Variants in FBN1 observed in about 807,000 individuals in gnomAD.
The protein encoded by FBN1 is fibrillin 1, also known as fibrillin-1.
Under a neutral mutation model 365.1 loss-of-function variants are expected in FBN1, and 29 were observed. That is an observed-to-expected ratio of 0.08 (90% CI 0.06 to 0.11). The LOEUF (loss-of-function observed/expected upper bound fraction) is 0.11, where lower values mean the gene tolerates loss of function less well. Ranked by LOEUF, FBN1 falls within the 10% of genes least tolerant of loss-of-function variation. FBN1 has a pLI of 1.00. For missense variants in FBN1, 2,476 were observed against 3,703.2 expected (o/e 0.67, Z 8.60); for synonymous variants, 1,210 against 1,270.5 (o/e 0.95, Z 1.01).
intron 8 of FBN1, 116 bp from the exon 9 acceptor site, chr15:48,526,371 T>A (rs2043915046): frequency 8.6e-7 from 1 of 1,162,598 alleles, no homozygotes; most frequent in African/African-American, 1.5e-5. Flanking sequence ...ACAGCCATCA[T>A]TAAAAAGTAA....
chr15:48,590,443 T>C (rs751136642), intron 6 of FBN1, among the ~76,000 whole-genome samples: 1 of 152,240 alleles, frequency 6.6e-6, no homozygotes, highest in African/African-American at 2.4e-5. Context: ...TTATATAATA[T>C]GTGTTTATCA....
In FBN1 at chr15:48,446,724, G is replaced by T. The variant is rs1201849394; in HGVS notation, c.5770C>A (p.His1924Asn). 6.2e-7 allele frequency: 1 copy of T among 1,611,768 alleles called. No individual in the cohort carries two copies. Among genetic ancestry groups the T allele is most frequent in the Non-Finnish European group, 8.5e-7 (1 of 1,177,882 alleles). Reference protein sequence around the residue: ...CRCNHGFILSHNNDCIDVDEC... With the variant: ...CRCNHGFILSNNNDCIDVDEC... ...CACGCACCTATACAGTCATTGTTGT[G>T]AGAAAGGATGAAACCATGATTGCAG... Residue 1924 changes from histidine (H) to asparagine (N), a missense_variant, in exon 47 of 66, where the codon CAC (histidine) becomes AAC (asparagine). Physicochemically the swap from His to Asn is moderately conservative, Grantham distance 68 (BLOSUM62 1). Coordinates refer to ENST00000316623, the MANE Select transcript of FBN1 (RefSeq NM_000138.5).
chr15:48,494,018 G>T (rs918208372), intron 23 of FBN1, among the ~76,000 whole-genome samples, 186 bp downstream of exon 23: 5 of 152,186 alleles, frequency 3.3e-5, no homozygotes, highest in African/African-American at 1.2e-4. Context: ...ATAGCGTTCT[G>T]ACACTAGCAA....
chr15:48,586,571 C>A (rs539616854), intron 6 of FBN1, among the ~76,000 whole-genome samples: 3 of 152,106 alleles, frequency 2.0e-5, no homozygotes, highest in African/African-American at 7.2e-5. Context: ...AGGAAGTTAT[C>A]GGTATTTAAT....
chr15:48,459,998 T>C (rs560445870), intron 43 of FBN1, among the ~76,000 whole-genome samples: 3 of 152,344 alleles, frequency 2.0e-5, no homozygotes, highest in South Asian at 2.1e-4. Flanking sequence ...GGTGTAACTA[T>C]GCTTGATTGT....
At chr15:48,488,655 T>C (rs2043530758) in intron 25 of FBN1, among the ~76,000 whole-genome samples, 162 bp from the exon 26 acceptor site, 1 of 152,198 alleles carries the variant, frequency 6.6e-6, no homozygotes, top group Non-Finnish European at 1.5e-5. Context: ...ATATATGACT[T>C]TGTAAACATT....
Position 48,444,639 on chromosome 15 carries a change from T to C in FBN1, c.5939A>G (p.Glu1980Gly). The change falls in exon 49 of 66, where the codon GAA becomes GGA. Residue 1980 changes from glutamate (E) to glycine (G), a missense_variant. By Grantham distance (98) the Glu-to-Gly change is moderately conservative. Coordinates refer to ENST00000316623, the MANE Select transcript of FBN1 (RefSeq NM_000138.5). ...GGTACCTGGTGCACATTTTCTGGGT[T>C]CTAGAAGACATTCATTGATATCTGC... is the stretch of plus-strand genomic sequence containing the variant. ...TCVDINECLL[E>G]PRKCAPGTCQ... The C allele has an allele frequency of 6.2e-7, 1 of 1,613,556 alleles. No homozygotes were observed. The highest frequency in any genetic ancestry group is 8.5e-7 in the Non-Finnish European group (1 of 1,179,664).
rs571869753 is a variant in FBN1 at position 48,410,735 on chromosome 15, C to T, written c.*255G>A. The T allele has an allele frequency of 6.5e-5, 30 of 463,704 alleles. No homozygotes were observed. The highest frequency in any genetic ancestry group is 1.2e-4 in the South Asian group (4 of 34,294). The allele number at this position is 463,704 out of a possible 1,614,324, so 28.7% of individuals were successfully genotyped here. A position where few individuals can be genotyped will look rare whatever the true frequency, so the allele number is the denominator to read the frequency against. On this transcript the variant is annotated 3_prime_UTR_variant, in exon 66 of 66. Coordinates refer to ENST00000316623, the MANE Select transcript of FBN1 (RefSeq NM_000138.5). ...ATGGCCAACCCCCAATGGAAATACACGTCCCAGTTTTCAAGAATCAACACA... is the reference window on the plus strand; with the variant it reads ...ATGGCCAACCCCCAATGGAAATACATGTCCCAGTTTTCAAGAATCAACACA...
intron 6 of FBN1, among the ~76,000 whole-genome samples, chr15:48,588,225 AT>A (rs2044451211): frequency 2.0e-5 from 3 of 152,186 alleles, no homozygotes; most frequent in African/African-American, 7.2e-5. Context: ...CTCATAGATA[AT>A]TTTTAATACT....
chr15:48,463,628 T>C (rs2043297888), intron 41 of FBN1, among the ~76,000 whole-genome samples: 2 of 152,332 alleles, frequency 1.3e-5, no homozygotes, highest in East Asian at 3.9e-4. Context: ...TGTACAAAGA[T>C]ACACCCAAAA....
Position 48,441,886 on chromosome 15 carries a change from T to C in FBN1, c.6038-40A>G, listed in dbSNP as rs553397955. On this transcript the variant is annotated intron_variant, in intron 49 of 65. Coordinates refer to ENST00000316623, the MANE Select transcript of FBN1 (RefSeq NM_000138.5). Reference sequence around the variant, plus strand: ...TGAGTCAAACAAAGTCAAAACACGATGGAGACATCATCAGGTACCAAACAC... The same window carrying C: ...TGAGTCAAACAAAGTCAAAACACGACGGAGACATCATCAGGTACCAAACAC... 8.7e-6 allele frequency: 14 copies of C among 1,609,344 alleles called. No individual in the cohort carries two copies. In the South Asian group the frequency reaches 1.3e-4, roughly 15 times the overall value.
At chr15:48,633,057 T>C (rs756691217) in intron 2 of FBN1, among the ~76,000 whole-genome samples, 5 of 152,006 alleles carry the variant, frequency 3.3e-5, no homozygotes, top group Non-Finnish European at 7.4e-5. Context: ...ATTAACCCCA[T>C]CAGAAAGGGA....
At position 48,412,578 on chromosome 15, in the gene FBN1, G is replaced by A; in HGVS notation, c.8217C>T (p.Ser2739=). 6.2e-7 allele frequency: 1 copy of A among 1,614,040 alleles called. No individual in the cohort carries two copies. The highest frequency in any genetic ancestry group is 8.5e-7 in the Non-Finnish European group (1 of 1,179,922). ...CTAACTTCTGACCCACCTCGATATT[G>A]GAGGCATCAGTTTCGTTTGTGCTTC... ...KRRSTNETDA[S]NIEDQSETEA... The change falls in exon 65 of 66, where the codon TCC becomes TCT. Residue 2739 remains serine (S), a synonymous_variant. Coordinates refer to ENST00000316623, the MANE Select transcript of FBN1 (RefSeq NM_000138.5).
chr15:48,534,780 TAAAC>T (rs1196844950), intron 7 of FBN1, among the ~76,000 whole-genome samples: 1 of 152,162 alleles, frequency 6.6e-6, no homozygotes, highest in Non-Finnish European at 1.5e-5. Flanking sequence ...CAGTAAAAAT[TAAAC>T]AACTCAGAAA....
intron 36 of FBN1, 126 bp from the exon 37 acceptor site, chr15:48,468,660 C>T: frequency 2.2e-6 from 2 of 909,186 alleles, no homozygotes; most frequent in Admixed American, 4.0e-5. Flanking sequence ...ATAACTACAT[C>T]TAGAAATGCA....
At chr15:48,607,398 A>G (rs2044622602) in intron 4 of FBN1, among the ~76,000 whole-genome samples, 1 of 149,480 alleles carries the variant, frequency 6.7e-6, no homozygotes, top group Non-Finnish European at 1.5e-5. Flanking sequence ...TATTGTCTAA[A>G]TGTTTGTGTC....
At chr15:48,473,133 CAT>C (rs2043391683) in intron 34 of FBN1, among the ~76,000 whole-genome samples, 1 of 152,202 alleles carries the variant, frequency 6.6e-6, no homozygotes, top group Non-Finnish European at 1.5e-5. Flanking sequence ...ATATCAAACA[CAT>C]AAACCACACA....
chr15:48,529,404 G>C (rs1195340765), intron 8 of FBN1: 1 of 152,290 alleles, frequency 6.6e-6, no homozygotes, highest in African/African-American at 2.4e-5. Context: ...TGTTCTCCCA[G>C]AGCATTCTTC....
intron 7 of FBN1, among the ~76,000 whole-genome samples, chr15:48,534,701 G>A (rs899940464): frequency 2.0e-5 from 3 of 152,320 alleles, no homozygotes; most frequent in Non-Finnish European, 4.4e-5. Context: ...CAGACTACAC[G>A]AGACAGCTAA....
Sources: gnomAD v4.1 joint callset for allele counts (sites outside exome capture counted in the v4.1 genomes callset) on GRCh38, gnomAD v4.1.1 for gene constraint, MANE v1.5 for transcripts, NCBI Gene and HGNC (gene_info 2026-07-23, HGNC 2026-07-21) for gene names.